Variants in ANKRD6 observed in about 807,000 individuals in gnomAD.
ANKRD6 encodes the protein ankyrin repeat domain-containing protein 6.
Under a neutral mutation model 82.3 loss-of-function variants are expected in ANKRD6, and 56 were observed. The observed-to-expected ratio is 0.68, with a 90% CI of 0.55 to 0.85. The LOEUF (loss-of-function observed/expected upper bound fraction) is 0.85, where lower values mean the gene tolerates loss of function less well. ANKRD6 is among the 40% of genes least tolerant of loss of function. The probability of loss-of-function intolerance (pLI) is 0.00; values close to 1 mark genes in which losing one functional copy is unlikely to be tolerated. For synonymous variants in ANKRD6, 347 were observed against 352.1 expected, an observed-to-expected ratio of 0.99 and a Z score of 0.16; for missense variants, 852 against 907.6, an observed-to-expected ratio of 0.94 and a Z score of 0.79.
intron 12 of ANKRD6, 78 bp downstream of exon 12, chr6:89,624,135 T>C: frequency 6.9e-7 from 1 of 1,439,174 alleles, no homozygotes; most frequent in South Asian, 1.4e-5. Flanking sequence ...TCCTGGGGGC[T>C]GATAGGCACT....
At chr6:89,571,138 A>G (rs967279445) in intron 2 of ANKRD6, among the ~76,000 whole-genome samples, 8 of 151,094 alleles carry the variant, frequency 5.3e-5, no homozygotes, top group Non-Finnish European at 8.8e-5. Context: ...TGCAAGCTCC[A>G]CCTCCCGGGT....
At chr6:89,496,451 C>G (rs1163106849) in intron 1 of ANKRD6, among the ~76,000 whole-genome samples, 2 of 152,092 alleles carry the variant, frequency 1.3e-5, no homozygotes, top group African/African-American at 4.8e-5. Flanking sequence ...CGGGACCAGG[C>G]CCAGGAAGTC....
intron 1 of ANKRD6, among the ~76,000 whole-genome samples, chr6:89,475,927 C>G (rs1426595344): frequency 6.6e-6 from 1 of 152,156 alleles, no homozygotes; most frequent in Non-Finnish European, 1.5e-5. Flanking sequence ...CTGCCATTTT[C>G]TAGTACAGTA....
intron 1 of ANKRD6, among the ~76,000 whole-genome samples, chr6:89,475,497 G>T (rs1775940002): frequency 6.6e-6 from 1 of 152,176 alleles, no homozygotes; most frequent in African/African-American, 2.4e-5. Flanking sequence ...CAGAGTTGTA[G>T]CACACCCTTA....
At chr6:89,455,975 G>A (rs973776276) in intron 1 of ANKRD6, among the ~76,000 whole-genome samples, 2 of 152,012 alleles carry the variant, frequency 1.3e-5, no homozygotes, top group Non-Finnish European at 2.9e-5. Context: ...CCAGGTTCAA[G>A]CGATTCTCCT....
intron 1 of ANKRD6, among the ~76,000 whole-genome samples, chr6:89,482,492 T>C (rs1289167371): frequency 1.3e-5 from 2 of 152,228 alleles, no homozygotes; most frequent in Non-Finnish European, 2.9e-5. Context: ...ATCCTGAAAT[T>C]CCTTTCTTAA....
intron 3 of ANKRD6, chr6:89,598,206 T>A (rs1796318541): frequency 1.0e-6 from 1 of 985,330 alleles, no homozygotes; most frequent in Admixed American, 6.1e-5. Context: ...CTTTAGATTA[T>A]GCAACTCCAG....
chr6:89,615,877 T>C (rs952082500), intron 7 of ANKRD6, among the ~76,000 whole-genome samples: 10 of 152,362 alleles, frequency 6.6e-5, no homozygotes, highest in Non-Finnish European at 1.0e-4. Context: ...CCTCCTTTCA[T>C]AGTTGATTTT....
intron 1 of ANKRD6, among the ~76,000 whole-genome samples, chr6:89,477,510 A>G (rs142209552): frequency 0.06 from 9,078 of 151,410 alleles, 289 homozygotes; most frequent in South Asian, 0.13. Flanking sequence ...GGTGGCTCAT[A>G]CCTGTAATCC....
At chr6:89,592,799 A>C (rs573470783) in intron 2 of ANKRD6, among the ~76,000 whole-genome samples, 79 of 151,986 alleles carry the variant, frequency 5.2e-4, no homozygotes, top group African/African-American at 1.7e-3. Flanking sequence ...CACACACACA[A>C]AAAAACGTTG....
chr6:89,565,190 T>G (rs910635004), intron 1 of ANKRD6: 1 of 152,190 alleles, frequency 6.6e-6, no homozygotes, highest in African/African-American at 2.4e-5. Flanking sequence ...TTCCTTCTTT[T>G]TTTTTTTGGC....
chr6:89,469,227 G>T (rs576249438), intron 1 of ANKRD6, among the ~76,000 whole-genome samples: 69 of 152,276 alleles, frequency 4.5e-4, no homozygotes, highest in African/African-American at 1.6e-3. Context: ...AATGTTTCAT[G>T]TTATATATAG....
chr6:89,512,544 G>T (rs192555430), intron 1 of ANKRD6, among the ~76,000 whole-genome samples: 12 of 152,346 alleles, frequency 7.9e-5, no homozygotes, highest in Admixed American at 4.6e-4. Context: ...AGCCAGCTGT[G>T]CAGCCTGGAG....
chr6:89,541,829 A>G (rs746396554), intron 1 of ANKRD6, among the ~76,000 whole-genome samples: 11 of 151,290 alleles, frequency 7.3e-5, no homozygotes, highest in Non-Finnish European at 1.6e-4. Context: ...TATATCTTAT[A>G]TGTAGTTTTC....
At chr6:89,629,020 G>A in intron 14 of ANKRD6, 92 bp from the exon 15 acceptor site, 7 of 1,391,494 alleles carry the variant, frequency 5.0e-6, no homozygotes, top group Non-Finnish European at 6.8e-6. Context: ...TAATTGAAAA[G>A]TCCATCCTTG....
chr6:89,441,379 C>T (rs1771354531), intron 1 of ANKRD6, among the ~76,000 whole-genome samples: 1 of 152,206 alleles, frequency 6.6e-6, no homozygotes, highest in African/African-American at 2.4e-5. Context: ...TCTGGAGCTC[C>T]TGACCTCAAG....
rs375214990 is a variant in ANKRD6 at position 89,609,356 on chromosome 6, C to T, written c.418-2916C>T. On this transcript the variant is annotated intron_variant, in intron 5 of 15. Transcript: ENST00000339746. ...CACTCTTGTTGCCCAGGCTGGAGTG[C>T]AATGGCTCAATCTCGGCTCACTGCA... 5.3e-5 allele frequency among the ~76,000 whole-genome samples: 8 copies of T among 152,220 alleles called. No homozygotes were observed. In the East Asian group the frequency reaches 1.5e-3, roughly 29 times the overall value.
chr6:89,602,749 G>A (rs1360762716), intron 3 of ANKRD6: 2 of 422,572 alleles, frequency 4.7e-6, no homozygotes, highest in East Asian at 4.1e-5. Context: ...GAGAGAGCCT[G>A]ACCCTCATTT....
At chr6:89,603,770 G>A (rs1797843065) in intron 4 of ANKRD6, among the ~76,000 whole-genome samples, 3 of 152,248 alleles carry the variant, frequency 2.0e-5, no homozygotes, top group Non-Finnish European at 4.4e-5. Flanking sequence ...AGGATTGCTC[G>A]AGGCCAGGAC....
Sources: gnomAD v4.1 joint callset for allele counts (sites outside exome capture counted in the v4.1 genomes callset) on GRCh38, gnomAD v4.1.1 for gene constraint, MANE v1.5 for transcripts, NCBI Gene and HGNC (gene_info 2026-07-23, HGNC 2026-07-21) for gene names.